SPAG16: variants seen among roughly 807,000 people sequenced by gnomAD.
SPAG16 encodes the protein sperm associated antigen 16, also known as sperm-associated antigen 16 protein.
Under a neutral mutation model 80.4 loss-of-function variants are expected in SPAG16, and 86 were observed. That is an observed-to-expected ratio of 1.07 (90% confidence interval 0.90 to 1.28). The LOEUF is 1.28. Ranked by LOEUF, SPAG16 falls within the 50% of genes most tolerant of loss-of-function variation. SPAG16 has a pLI of 0.00. For synonymous variants in SPAG16, 294 were observed against 265.9 expected (o/e 1.11, Z -1.03); for missense variants, 870 against 765.3 (o/e 1.14, Z -1.61).
rs536480132 is a variant in SPAG16 at position 214,350,891 on chromosome 2, G to A, written c.1721-59249G>A. On this transcript the variant is annotated intron_variant, in intron 15 of 15. Coordinates refer to ENST00000331683, the MANE Select transcript of SPAG16 (RefSeq NM_024532.5). ...TCTAAAATGAATCCATGAAAAGAAA[G>A]ATATCTTCCTCTGAGCATAACCTAA... 5.3e-5 allele frequency among the ~76,000 whole-genome samples: 8 copies of A among 152,252 alleles called. No homozygotes were observed. In the South Asian group the frequency reaches 1.7e-3, roughly 32 times the overall value.
At chr2:213,349,951 T>C (rs2065233697) in intron 6 of SPAG16, among the ~76,000 whole-genome samples, 1 of 152,186 alleles carries the variant, frequency 6.6e-6, no homozygotes, top group South Asian at 2.1e-4. Context: ...GTTTTATCCA[T>C]GTAAATTACA....
intron 10 of SPAG16, among the ~76,000 whole-genome samples, chr2:213,546,424 T>C (rs1399219366): frequency 6.6e-6 from 1 of 152,174 alleles, no homozygotes; most frequent in Non-Finnish European, 1.5e-5. Flanking sequence ...CTACAATGCA[T>C]TTATTTATAG....
At chr2:214,180,402 A>T (rs1193075075) in intron 15 of SPAG16, among the ~76,000 whole-genome samples, 2 of 151,732 alleles carry the variant, frequency 1.3e-5, no homozygotes, top group Non-Finnish European at 3.0e-5. Flanking sequence ...TCAGTGCAAA[A>T]GGACAGTTGA....
chr2:213,639,102 C>T (rs1431992901), intron 10 of SPAG16, among the ~76,000 whole-genome samples: 4 of 152,188 alleles, frequency 2.6e-5, no homozygotes, highest in African/African-American at 7.2e-5. Flanking sequence ...TATCTTTCTT[C>T]CATCTTTTCA....
intron 12 of SPAG16, among the ~76,000 whole-genome samples, chr2:213,945,994 A>G (rs992273783): frequency 6.6e-6 from 1 of 152,194 alleles, no homozygotes; most frequent in African/African-American, 2.4e-5. Context: ...TATTTTTACC[A>G]TATTTTATAT....
At position 213,735,590 on chromosome 2, in the gene SPAG16, A is replaced by G. The variant is rs186011846; in HGVS notation, c.1071-126895A>G. Among the ~76,000 whole-genome samples, 183 of 152,292 alleles carry G rather than the reference A, an allele frequency of 1.2e-3. 2 individuals are homozygous for G. The highest frequency in any genetic ancestry group is 2.3e-3 in the Non-Finnish European group (155 of 68,018). ...TCAAGACAAGATAAGGGAAAATTGCAAAATAATGAAAAGCCTTTAGGGGCC... is the reference window on the plus strand; with the variant it reads ...TCAAGACAAGATAAGGGAAAATTGCGAAATAATGAAAAGCCTTTAGGGGCC... On this transcript the variant is annotated intron_variant, in intron 10 of 15. Coordinates refer to ENST00000331683, the MANE Select transcript of SPAG16 (RefSeq NM_024532.5).
At chr2:214,044,911 CTG>C (rs1438817895) in intron 13 of SPAG16, among the ~76,000 whole-genome samples, 1 of 152,196 alleles carries the variant, frequency 6.6e-6, no homozygotes, top group Admixed American at 6.5e-5. Flanking sequence ...AGCCTTAACA[CTG>C]TGGGCGGAAG....
intron 10 of SPAG16, among the ~76,000 whole-genome samples, chr2:213,849,916 GTGTAA>G (rs1451346126): frequency 1.3e-5 from 2 of 152,160 alleles, no homozygotes; most frequent in Non-Finnish European, 2.9e-5. Flanking sequence ...GAACATAAAT[GTGTAA>G]TGTATCTTCT....
chr2:213,966,492 A>G (rs998374622), intron 12 of SPAG16, among the ~76,000 whole-genome samples: 4 of 152,188 alleles, frequency 2.6e-5, no homozygotes, highest in African/African-American at 9.7e-5. Context: ...TAATCCCTTT[A>G]AAAATATTAA....
chr2:213,825,722 T>A (rs2073246491), intron 10 of SPAG16, among the ~76,000 whole-genome samples: 1 of 116,342 alleles, frequency 8.6e-6, no homozygotes, highest in Non-Finnish European at 1.9e-5. Context: ...TTTTTTTTTT[T>A]TGATGTGTCT....
At chr2:213,464,909 C>G (rs997460205) in intron 9 of SPAG16, among the ~76,000 whole-genome samples, 3 of 152,170 alleles carry the variant, frequency 2.0e-5, no homozygotes, top group African/African-American at 7.2e-5. Context: ...AGAGGAGGCC[C>G]ATTCTATTTC....
At chr2:213,452,405 A>C (rs1447953959) in intron 9 of SPAG16, among the ~76,000 whole-genome samples, 3 of 151,804 alleles carry the variant, frequency 2.0e-5, no homozygotes, top group African/African-American at 4.8e-5. Flanking sequence ...TACATCCCTC[A>C]CTCTATATCC....
intron 3 of SPAG16, among the ~76,000 whole-genome samples, chr2:213,303,531 C>G: frequency 6.6e-6 from 1 of 152,056 alleles, no homozygotes; most frequent in East Asian, 1.9e-4. Context: ...ACCATCCCCT[C>G]TCCCCTCCCC....
intron 10 of SPAG16, among the ~76,000 whole-genome samples, chr2:213,794,387 TA>T (rs1470646996): frequency 2.6e-5 from 4 of 152,136 alleles, no homozygotes; most frequent in Non-Finnish European, 4.4e-5. Context: ...CCTAATTTCA[TA>T]AGTAGTATTT....
chr2:213,582,952 A>G (rs1374716598), intron 10 of SPAG16, among the ~76,000 whole-genome samples: 1 of 152,196 alleles, frequency 6.6e-6, no homozygotes, highest in East Asian at 1.9e-4. Context: ...ACCATAACAC[A>G]AATGTAAAAA....
chr2:213,561,688 T>G (rs1178103957), intron 10 of SPAG16, among the ~76,000 whole-genome samples: 1 of 152,190 alleles, frequency 6.6e-6, no homozygotes, highest in African/African-American at 2.4e-5. Context: ...TCAAGTCATA[T>G]TTTTGTTTGT....
chr2:213,509,779 C>G (rs942860595), intron 10 of SPAG16, among the ~76,000 whole-genome samples: 1 of 152,104 alleles, frequency 6.6e-6, no homozygotes, highest in Non-Finnish European at 1.5e-5. Context: ...AGAGCGAACA[C>G]ATTCAAAAAC....
At chr2:213,368,261 G>A (rs540273837) in intron 8 of SPAG16, among the ~76,000 whole-genome samples, 53 of 152,158 alleles carry the variant, frequency 3.5e-4, no homozygotes, top group African/African-American at 1.1e-3. Context: ...GGATTGTCTT[G>A]GCTATGTAGG....
At chr2:214,111,809 G>A (rs1488049999) in intron 14 of SPAG16, among the ~76,000 whole-genome samples, 1 of 152,016 alleles carries the variant, frequency 6.6e-6, no homozygotes, top group Middle Eastern at 3.2e-3. Flanking sequence ...GTTGAGCAGT[G>A]GTTTGTAGTT....
Sources: gnomAD v4.1 joint callset for allele counts (sites outside exome capture counted in the v4.1 genomes callset) on GRCh38, gnomAD v4.1.1 for gene constraint, MANE v1.5 for transcripts, NCBI Gene and HGNC (gene_info 2026-07-23, HGNC 2026-07-21) for gene names.